The following GFRA1 variants were observed in gnomAD, a reference collection of about 807,000 sequenced individuals.
The protein encoded by GFRA1 is GDNF family receptor alpha-1.
A neutral mutation model predicts 51.6 loss-of-function variants in GFRA1; 16 were observed. The ratio of observed to expected loss-of-function variants is 0.31; its 90% CI spans 0.21 to 0.47. The LOEUF is 0.47. GFRA1 is among the 20% of genes least tolerant of loss of function. The probability of loss-of-function intolerance (pLI) is 1.00; values close to 1 mark genes in which losing one functional copy is unlikely to be tolerated. For synonymous variants in GFRA1, 270 were observed against 241.3 expected (o/e 1.12, Z -1.10); for missense variants, 530 against 594.3 (o/e 0.89, Z 1.13).
intron 6 of GFRA1, among the ~76,000 whole-genome samples, chr10:116,103,818 T>A (rs1467306589): frequency 6.6e-6 from 1 of 152,236 alleles, no homozygotes; most frequent in Non-Finnish European, 1.5e-5. Context: ...CAGTCTGCTG[T>A]AACACACATC....
At chr10:116,201,152 TAAG>T (rs964121096) in intron 5 of GFRA1, among the ~76,000 whole-genome samples, 1 of 152,134 alleles carries the variant, frequency 6.6e-6, no homozygotes, top group Non-Finnish European at 1.5e-5. Flanking sequence ...TTTTTCTTCT[TAAG>T]GAGGTGGAAT....
chr10:116,186,071 T>C (rs888647457), intron 5 of GFRA1, among the ~76,000 whole-genome samples: 2 of 152,096 alleles, frequency 1.3e-5, no homozygotes, highest in Non-Finnish European at 2.9e-5. Context: ...TCCCAGAGCT[T>C]TGGAACACAG....
chr10:116,191,453 G>A (rs866240579), intron 5 of GFRA1, among the ~76,000 whole-genome samples: 2 of 152,026 alleles, frequency 1.3e-5, no homozygotes, highest in Admixed American at 6.5e-5. Context: ...TTTGTCACCA[G>A]GCAATAAACT....
chr10:116,188,857 G>A (rs2134311599), intron 5 of GFRA1, among the ~76,000 whole-genome samples: 1 of 149,712 alleles, frequency 6.7e-6, no homozygotes, highest in Admixed American at 6.7e-5. Flanking sequence ...CTAAGATAGT[G>A]CCACTGCACT....
chr10:116,066,915 A>G (rs959626560), intron 9 of GFRA1, among the ~76,000 whole-genome samples: 1 of 152,086 alleles, frequency 6.6e-6, no homozygotes, highest in African/African-American at 2.4e-5. Flanking sequence ...GACTTCTGCA[A>G]CTCCTGGAAG....
intron 9 of GFRA1, among the ~76,000 whole-genome samples, chr10:116,073,942 A>C (rs1304794540): frequency 6.6e-6 from 1 of 152,126 alleles, no homozygotes; most frequent in African/African-American, 2.4e-5. Flanking sequence ...TTGGTGTTGC[A>C]AAAAAACAAG....
At chr10:116,168,655 G>C (rs1416109498) in intron 5 of GFRA1, among the ~76,000 whole-genome samples, 6 of 152,148 alleles carry the variant, frequency 3.9e-5, no homozygotes, top group Admixed American at 3.9e-4. Context: ...CCAACCTCGG[G>C]GGGTTAACAA....
chr10:116,257,875 A>C (rs61864760), intron 4 of GFRA1, among the ~76,000 whole-genome samples: 24,010 of 152,128 alleles, frequency 0.16, 2,261 homozygotes, highest in East Asian at 0.28. Context: ...ACCACTCCTC[A>C]TACCTGCTGC....
chr10:116,245,718 G>A (rs962854418), intron 4 of GFRA1, among the ~76,000 whole-genome samples: 2 of 152,270 alleles, frequency 1.3e-5, no homozygotes, highest in East Asian at 3.9e-4. Flanking sequence ...TAAACAAAGT[G>A]TGGTCCATCC....
At position 116,127,424 on chromosome 10, in the gene GFRA1, C is replaced by T. The variant is rs562408257; in HGVS notation, c.434-1867G>A. On this transcript the variant is annotated intron_variant, in intron 5 of 10. Transcript: ENST00000355422. ...CTGAAATCACACCATTATTCCCTGG[C>T]GCCATGAGTCATATTTTATTGTGCT... Among the ~76,000 whole-genome samples, 60 of 152,264 alleles carry T rather than the reference C, an allele frequency of 3.9e-4. No individual in the cohort carries two copies. The South Asian group carries it at 4.4e-3, about 11-fold the overall frequency.
intron 5 of GFRA1, among the ~76,000 whole-genome samples, chr10:116,165,983 G>C (rs770901781): frequency 6.6e-6 from 1 of 152,034 alleles, no homozygotes; most frequent in African/African-American, 2.4e-5. Context: ...ATTGTGTGTT[G>C]TTCCCCTCTG....
At chr10:116,194,711 G>C (rs1263520798) in intron 5 of GFRA1, among the ~76,000 whole-genome samples, 1 of 152,068 alleles carries the variant, frequency 6.6e-6, no homozygotes, top group Non-Finnish European at 1.5e-5. Context: ...ATAAGTGTTT[G>C]CTACATGCCT....
At chr10:116,072,072 C>CA (rs937661116) in intron 9 of GFRA1, among the ~76,000 whole-genome samples, 2 of 142,518 alleles carry the variant, frequency 1.4e-5, no homozygotes, top group Non-Finnish European at 3.1e-5. Context: ...AATCCAAAGG[C>CA]TTTTTTTTTT....
chr10:116,066,082 C>T (rs894279269), intron 9 of GFRA1, among the ~76,000 whole-genome samples: 11 of 152,136 alleles, frequency 7.2e-5, no homozygotes, highest in Admixed American at 2.0e-4. Flanking sequence ...AAAAACGTTG[C>T]AATAAACATC....
At chr10:116,229,910 C>A (rs760634827) in intron 4 of GFRA1, among the ~76,000 whole-genome samples, 1 of 152,158 alleles carries the variant, frequency 6.6e-6, no homozygotes, top group Admixed American at 6.5e-5. Flanking sequence ...GACTGCCCTG[C>A]GGTGTCATGT....
At chr10:116,075,635 T>C (rs1033117383) in intron 9 of GFRA1, among the ~76,000 whole-genome samples, 1 of 152,138 alleles carries the variant, frequency 6.6e-6, no homozygotes, top group African/African-American at 2.4e-5. Context: ...CTAAGTATGA[T>C]AGTCTCCTTT....
chr10:116,105,787 C>T lies in GFRA1; in HGVS notation c.771-9023G>A, dbSNP rs573506924. Among the ~76,000 whole-genome samples, 175 of 152,264 alleles carry T rather than the reference C, an allele frequency of 1.1e-3. 2 individuals carry two copies. The highest frequency in any genetic ancestry group is 3.9e-3 in the African/African-American group (162 of 41,556). On this transcript the variant is annotated intron_variant, in intron 6 of 10. Transcript: ENST00000355422. ...CTAATTCCACAACTAGCTCATGATA[C>T]CCCCAAATTAAAAACAAGATAGATG...
chr10:116,273,679 C>G (rs71500856), upstream of GFRA1, among the ~76,000 whole-genome samples: 2 of 122,360 alleles, frequency 1.6e-5, no homozygotes, highest in Non-Finnish European at 3.3e-5. Flanking sequence ...CTGTCTCTCT[C>G]TCTCTCTCTC....
intron 5 of GFRA1, among the ~76,000 whole-genome samples, chr10:116,164,746 T>G (rs1455103550): frequency 1.3e-5 from 2 of 152,178 alleles, no homozygotes; most frequent in Non-Finnish European, 2.9e-5. Flanking sequence ...AATAAGGTCT[T>G]TCCTTCACTT....
Sources: gnomAD v4.1 joint callset for allele counts (sites outside exome capture counted in the v4.1 genomes callset) on GRCh38, gnomAD v4.1.1 for gene constraint, MANE v1.5 for transcripts, NCBI Gene and HGNC (gene_info 2026-07-23, HGNC 2026-07-21) for gene names.